The following NALCN variants were observed in gnomAD, a reference collection of about 807,000 sequenced individuals.
NALCN encodes sodium leak channel NALCN.
Under a neutral mutation model 225.3 loss-of-function variants are expected in NALCN, and 111 were observed. The observed-to-expected ratio is 0.49, with a 90% CI of 0.42 to 0.58. The LOEUF is 0.58. NALCN is among the 20% of genes least tolerant of loss of function. The pLI is 0.00. For missense variants in NALCN, 1,378 were observed against 2,202.4 expected (o/e 0.63, Z 7.49); for synonymous variants, 764 against 769.0 (o/e 0.99, Z 0.11).
At chr13:101,131,184 T>G (rs1237647074) in intron 17 of NALCN, among the ~76,000 whole-genome samples, 1 of 152,156 alleles carries the variant, frequency 6.6e-6, no homozygotes, top group Non-Finnish European at 1.5e-5. Context: ...CTAACTTTTA[T>G]TTATGTTGCT....
At chr13:101,360,225 TCTC>T (rs1482987591) in intron 6 of NALCN, among the ~76,000 whole-genome samples, 1 of 138,224 alleles carries the variant, frequency 7.2e-6, no homozygotes, top group African/African-American at 2.7e-5. Flanking sequence ...TCTCTCTCTC[TCTC>T]TCCTTCCTTC....
intron 7 of NALCN, among the ~76,000 whole-genome samples, chr13:101,303,705 C>T (rs2044051911): frequency 6.6e-6 from 1 of 152,124 alleles, no homozygotes; most frequent in Non-Finnish European, 1.5e-5. Flanking sequence ...ATCTGGCCTG[C>T]TTATGCCTGG....
At chr13:101,413,687 T>C (rs977021407) in intron 1 of NALCN, among the ~76,000 whole-genome samples, 1 of 152,204 alleles carries the variant, frequency 6.6e-6, no homozygotes, top group African/African-American at 2.4e-5. Flanking sequence ...ACTAGCTGTT[T>C]ACTCTTTTTT....
At chr13:101,141,162 AG>A (rs1464108940) in intron 17 of NALCN, among the ~76,000 whole-genome samples, 1 of 152,186 alleles carries the variant, frequency 6.6e-6, no homozygotes, top group East Asian at 1.9e-4. Flanking sequence ...CAGATGGAAG[AG>A]TAACAATTGA....
chr13:101,300,021 T>C (rs554495640), intron 7 of NALCN, among the ~76,000 whole-genome samples: 2 of 144,422 alleles, frequency 1.4e-5, no homozygotes, highest in South Asian at 4.4e-4. Flanking sequence ...GTGACATAAT[T>C]AAAAAAAAAA....
At position 101,058,438 on chromosome 13, in the gene NALCN, C is replaced by CG; in HGVS notation, c.4906-383_4906-382insC. On this transcript the variant is annotated intron_variant, in intron 42 of 43. Transcript: ENST00000251127. Reference sequence around the variant, plus strand: ...GGGCTGGGCGGGGGCAGTCTACTGTCACCAGCCTGGAGATCCACACTTAGA... The same window carrying CG: ...GGGCTGGGCGGGGGCAGTCTACTGTCGACCAGCCTGGAGATCCACACTTAGA... 1.3e-4 allele frequency: 21 copies of CG among 156,410 alleles called. No homozygotes were observed. In the South Asian group the frequency reaches 1.4e-3, roughly 10 times the overall value. The allele number at this position is 156,410 out of a possible 1,614,324, so 9.7% of individuals were successfully genotyped here. A position where few individuals can be genotyped will look rare whatever the true frequency, so the allele number is the denominator to read the frequency against.
intron 6 of NALCN, among the ~76,000 whole-genome samples, chr13:101,348,859 A>C (rs2045824415): frequency 6.6e-6 from 1 of 152,204 alleles, no homozygotes; most frequent in Non-Finnish European, 1.5e-5. Context: ...CCACAAGGTA[A>C]TTACTGTTTT....
intron 11 of NALCN, among the ~76,000 whole-genome samples, chr13:101,247,756 T>G (rs1288341829): frequency 1.3e-5 from 2 of 152,152 alleles, no homozygotes; most frequent in African/African-American, 4.8e-5. Flanking sequence ...ACCCATGACC[T>G]AGGTATTAAG....
At position 101,344,188 on chromosome 13, in the gene NALCN, A is replaced by G. The variant is rs55773027; in HGVS notation, c.799+1078T>C. ...AATTCATGATGCCTCTGTACTTTTG[A>G]GACAGAGGGAAGGATTTAAGACTAA... On this transcript the variant is annotated intron_variant, in intron 7 of 43. Transcript: ENST00000251127. Among the ~76,000 whole-genome samples the G allele has an allele frequency of 7.4e-3, 1,121 of 152,294 alleles. 14 individuals carry two copies. The highest frequency in any genetic ancestry group is 0.026 in the African/African-American group (1,063 of 41,574).
rs138675819 is a variant in NALCN, at chr13:101,129,209, T to C, written c.2119-4528A>G. 6.0e-3 allele frequency among the ~76,000 whole-genome samples: 912 copies of C among 152,342 alleles called. 5 individuals carry two copies. Among genetic ancestry groups the C allele is most frequent in the Non-Finnish European group, 0.01 (704 of 68,018 alleles). On this transcript the variant is annotated intron_variant, in intron 17 of 43. Transcript: ENST00000251127. ...TTTGGTTACCCAGTAGCAAAACTGG[T>C]ATGGAAAAGCCAAGATAAATGCTTG...
At chr13:101,352,198 G>A (rs1400232559) in intron 6 of NALCN, among the ~76,000 whole-genome samples, 2 of 152,142 alleles carry the variant, frequency 1.3e-5, no homozygotes, top group East Asian at 3.9e-4. Flanking sequence ...GAATAAAAAA[G>A]GAATGACCAC....
chr13:101,202,613 G>A (rs907661837), intron 13 of NALCN, among the ~76,000 whole-genome samples: 6 of 152,076 alleles, frequency 3.9e-5, no homozygotes, highest in African/African-American at 1.4e-4. Context: ...GATACTCCAT[G>A]GCTGCCCCTA....
intron 7 of NALCN, among the ~76,000 whole-genome samples, chr13:101,327,700 A>G (rs2045011484): frequency 1.3e-5 from 2 of 151,994 alleles, no homozygotes; most frequent in Admixed American, 6.6e-5. Context: ...GAGGGCCAGA[A>G]CTGGATTTGT....
At chr13:101,059,996 A>G in intron 41 of NALCN, 29 bp from the exon 42 acceptor site, 1 of 1,611,146 alleles carries the variant, frequency 6.2e-7, no homozygotes, top group Non-Finnish European at 8.5e-7. Context: ...TTGTTCAGTA[A>G]AATAAGCCCA....
chr13:101,104,602 T>G lies in NALCN; in HGVS notation c.2685A>C (p.Val895=). Residue 895 remains valine (V), a synonymous_variant, in exon 24 of 44, where the codon GTA becomes GTC. Transcript: ENST00000251127. The surrounding 1 kb of genome is among the most constrained non-coding windows in gnomAD (Gnocchi z 4.2). ...TCATGGAAATGCAAGAGCAGATGGT[T>G]ACGATGATCATGACCCAGTCCAGGT... ...VTYLDWVMII[V]TICSCISMMF... is the part of the protein sequence containing the mutation. 1 of 1,613,998 alleles carries G rather than the reference T, an allele frequency of 6.2e-7. No homozygotes were observed.
intron 15 of NALCN, among the ~76,000 whole-genome samples, chr13:101,173,837 G>C (rs2038848418): frequency 6.6e-6 from 1 of 152,066 alleles, no homozygotes. Flanking sequence ...AAATATTTAG[G>C]GTACCAATTT....
Position 101,274,258 on chromosome 13 carries a change from C to CAATAAA in NALCN, c.1134+9674_1134+9675insTTTATT, listed in dbSNP as rs201391622. 1.7e-4 allele frequency among the ~76,000 whole-genome samples: 17 copies of CAATAAA among 97,338 alleles called. 1 individual carries two copies. The highest frequency in any genetic ancestry group is 5.4e-3 in the Middle Eastern group (1 of 184). 63.9% of individuals were successfully genotyped at this position (97,338 alleles called of 152,430 possible). On this transcript the variant is annotated intron_variant, in intron 10 of 43. Transcript: ENST00000251127. ...TCTTAGAAGGTCTGCAATAGCAAAA[C>CAATAAA]AATCAAGCTCAATGTCCATCGATAG... is the stretch of plus-strand genomic sequence containing the variant.
At chr13:101,284,893 C>T (rs1203455568) in intron 9 of NALCN, among the ~76,000 whole-genome samples, 16 of 152,258 alleles carry the variant, frequency 1.1e-4, no homozygotes, top group Middle Eastern at 6.8e-3. Flanking sequence ...TTCCCACTAA[C>T]ATATTTTTCT....
At chr13:101,369,140 A>G (rs1007019998) in intron 6 of NALCN, 91 of 226,198 alleles carry the variant, frequency 4.0e-4, no homozygotes, top group African/African-American at 2.0e-3. Flanking sequence ...GTAAACAAAG[A>G]GTCACATAAA....
Sources: allele counts gnomAD v4.1 joint callset (sites outside exome capture counted in the v4.1 genomes callset), GRCh38; gene constraint gnomAD v4.1.1; non-coding constraint Gnocchi (gnomAD v3.1); transcripts MANE v1.5; gene names NCBI Gene and HGNC (gene_info 2026-07-23, HGNC 2026-07-21).